The following SLC39A10 variants were observed in gnomAD, a reference collection of about 807,000 sequenced individuals.
SLC39A10 encodes the protein solute carrier family 39 member 10, also known as zinc transporter ZIP10.
SLC39A10 carries 13 observed loss-of-function variants against 65.1 expected under a neutral mutation model. The observed-to-expected ratio is 0.20, with a 90% CI of 0.13 to 0.32. The LOEUF (loss-of-function observed/expected upper bound fraction) is 0.32, where lower values mean the gene tolerates loss of function less well. SLC39A10 is among the 10% of genes least tolerant of loss of function. The pLI, the probability that SLC39A10 is intolerant of heterozygous loss-of-function variation, is 1.00. For missense variants in SLC39A10, 831 were observed against 1,018.4 expected (o/e 0.82, Z 2.50); for synonymous variants, 321 against 342.2 (o/e 0.94, Z 0.68).
chr2:195,615,854 A>G (rs572089697), intron 2 of SLC39A10, among the ~76,000 whole-genome samples: 24 of 152,272 alleles, frequency 1.6e-4, no homozygotes, highest in African/African-American at 5.8e-4. Flanking sequence ...ATCCTATACA[A>G]CTTTGCTTAT....
intron 2 of SLC39A10, among the ~76,000 whole-genome samples, chr2:195,633,760 C>T (rs1432634681): frequency 2.0e-5 from 3 of 152,178 alleles, no homozygotes; most frequent in Admixed American, 6.5e-5. Flanking sequence ...CGAGCTGTCC[C>T]TCTGAAGTCA....
intron 1 of SLC39A10, among the ~76,000 whole-genome samples, chr2:195,672,514 T>TA (rs1246729123): frequency 1.3e-5 from 2 of 151,836 alleles, no homozygotes; most frequent in East Asian, 1.9e-4. Flanking sequence ...CTTTAATAAA[T>TA]AAAAAAAAGC....
At chr2:195,621,620 A>T (rs1367280136) in intron 2 of SLC39A10, among the ~76,000 whole-genome samples, 1 of 152,238 alleles carries the variant, frequency 6.6e-6, no homozygotes, top group Non-Finnish European at 1.5e-5. Flanking sequence ...AAGAAGTGGC[A>T]GTGGCAGAAG....
chr2:195,666,302 A>G, intron 1 of SLC39A10, among the ~76,000 whole-genome samples: 1 of 152,192 alleles, frequency 6.6e-6, no homozygotes, highest in Non-Finnish European at 1.5e-5. Context: ...CGTCATGGAA[A>G]AGAAGGATCA....
chr2:195,676,026 A>G (rs962504050), intron 1 of SLC39A10, among the ~76,000 whole-genome samples: 3 of 151,450 alleles, frequency 2.0e-5, no homozygotes, highest in Non-Finnish European at 2.9e-5. Flanking sequence ...TGTTTTACCA[A>G]CCTGTTTTAT....
chr2:195,639,734 AC>A (rs1278318768), intron 2 of SLC39A10, among the ~76,000 whole-genome samples: 2 of 152,082 alleles, frequency 1.3e-5, no homozygotes, highest in Admixed American at 1.3e-4. Flanking sequence ...GTGCCACCAC[AC>A]CCGGCTAATT....
intron 2 of SLC39A10, among the ~76,000 whole-genome samples, chr2:195,624,311 TG>T (rs1208442464): frequency 7.1e-6 from 1 of 140,866 alleles, no homozygotes; most frequent in Non-Finnish European, 1.5e-5. Context: ...CACTTGAACC[TG>T]GGAGGCAGAG....
chr2:195,695,720 A>T (rs1006669572), intron 3 of SLC39A10, among the ~76,000 whole-genome samples: 3 of 152,222 alleles, frequency 2.0e-5, no homozygotes, highest in Non-Finnish European at 4.4e-5. Context: ...GCTGCAAGCT[A>T]TTCCAGCCGC....
intron 2 of SLC39A10, among the ~76,000 whole-genome samples, chr2:195,631,891 A>T (rs988966817): frequency 1.3e-5 from 2 of 151,838 alleles, no homozygotes; most frequent in Non-Finnish European, 2.9e-5. Flanking sequence ...TTTTATTATT[A>T]ATTTATTTAT....
intron 8 of SLC39A10, among the ~76,000 whole-genome samples, chr2:195,722,963 G>C (rs1169256164): frequency 3.3e-5 from 5 of 152,142 alleles, no homozygotes; most frequent in Non-Finnish European, 7.4e-5. Flanking sequence ...TATTCACTGA[G>C]ACACAGAATT....
At chr2:195,734,405 C>T (rs971204823) in intron 9 of SLC39A10, among the ~76,000 whole-genome samples, 116 of 152,154 alleles carry the variant, frequency 7.6e-4, no homozygotes, top group Non-Finnish European at 2.1e-4. Flanking sequence ...CCATGATCCG[C>T]CCACCTCGGC....
In SLC39A10 at chr2:195,683,162, T is replaced by TTG. The variant is rs1553501533; in HGVS notation, c.1009-536_1009-535insGT. Among the ~76,000 whole-genome samples, 396 of 151,942 alleles carry TTG rather than the reference T, an allele frequency of 2.6e-3. 1 individual carries two copies. Among genetic ancestry groups the TTG allele is most frequent in the African/African-American group, 9.4e-3 (389 of 41,476 alleles). On this transcript the variant is annotated intron_variant, in intron 2 of 9. Coordinates refer to ENST00000359634, the MANE Select transcript of SLC39A10 (RefSeq NM_020342.3). The stretch of plus-strand genomic sequence containing the variant: ...TAATCAGTTTTAAGCTTACTTTTTT[T>TTG]TTTGTTTGTTTTTAAAGTACCAGTG...
intron 5 of SLC39A10, among the ~76,000 whole-genome samples, chr2:195,711,123 A>C (rs1001836069): frequency 6.6e-6 from 1 of 152,206 alleles, no homozygotes; most frequent in Admixed American, 6.5e-5. Flanking sequence ...AGATATTGCA[A>C]AGTTTGTAAA....
chr2:195,655,832 C>T (rs1299712875), upstream of SLC39A10, among the ~76,000 whole-genome samples: 2 of 152,232 alleles, frequency 1.3e-5, no homozygotes, highest in Non-Finnish European at 2.9e-5. Flanking sequence ...AGGCATTTAT[C>T]AAGCACCATT....
chr2:195,728,417 A>T lies in SLC39A10; in HGVS notation c.2337+68A>T, dbSNP rs1692321150. 1.4e-6 allele frequency: 2 copies of T among 1,404,954 alleles called. No homozygotes were observed. Among genetic ancestry groups the T allele is most frequent in the Non-Finnish European group, 9.7e-7 (1 of 1,027,428 alleles). The allele number at this position is 1,404,954 out of a possible 1,614,324, so 87.0% of individuals were successfully genotyped here. ...GAAAGAAATCCTTGGAAGTGGTTTG[A>T]AGCCAAACTATTTTTGAAAATATAA... On this transcript the variant is annotated intron_variant, in intron 9 of 9. Transcript: ENST00000359634. The surrounding 1 kb of genome is among the most constrained non-coding windows in gnomAD (Gnocchi z 4.4).
At chr2:195,701,788 C>A (rs1319170398) in intron 3 of SLC39A10, among the ~76,000 whole-genome samples, 2 of 151,860 alleles carry the variant, frequency 1.3e-5, no homozygotes, top group Non-Finnish European at 2.9e-5. Context: ...CTCAGGTGAT[C>A]CTCCCGCCTC....
intron 2 of SLC39A10, among the ~76,000 whole-genome samples, chr2:195,629,532 T>C (rs1196184632): frequency 6.6e-6 from 1 of 152,152 alleles, no homozygotes; most frequent in Non-Finnish European, 1.5e-5. Flanking sequence ...ACACTGCTTC[T>C]ACACCAGCAT....
At chr2:195,678,526 G>C (rs1279358264) in intron 1 of SLC39A10, among the ~76,000 whole-genome samples, 1 of 146,252 alleles carries the variant, frequency 6.8e-6, no homozygotes. Context: ...CATTGTGGTA[G>C]TCTTCTCCCA....
chr2:195,643,793 G>A (rs1252057217), intron 2 of SLC39A10, among the ~76,000 whole-genome samples: 1 of 152,216 alleles, frequency 6.6e-6, no homozygotes, highest in South Asian at 2.1e-4. Flanking sequence ...CCACAAATAA[G>A]TTGATGTATC....
Sources: gnomAD v4.1 joint callset for allele counts (sites outside exome capture counted in the v4.1 genomes callset) on GRCh38, gnomAD v4.1.1 for gene constraint, Gnocchi (gnomAD v3.1) non-coding constraint, MANE v1.5 for transcripts, NCBI Gene and HGNC (gene_info 2026-07-23, HGNC 2026-07-21) for gene names.